Variants in CENPI observed in about 807,000 individuals in gnomAD.
CENPI encodes FSH primary response 1.
In CENPI, 4 loss-of-function variants were observed where a neutral mutation model predicts 60.4. That is an observed-to-expected ratio of 0.07 (90% confidence interval 0.03 to 0.15). The LOEUF (loss-of-function observed/expected upper bound fraction) is 0.15, where lower values mean the gene tolerates loss of function less well. Among genes scored for constraint, CENPI ranks in the 10% least tolerant of loss-of-function variants. CENPI has a pLI of 1.00. For synonymous variants in CENPI, 157 were observed against 189.4 expected (o/e 0.83, Z 1.40); for missense variants, 444 against 534.5 (o/e 0.83, Z 1.67).
At chrX:101,140,644 T>G in intron 15 of CENPI, 22 bp from the exon 16 acceptor site, 2 of 1,072,808 alleles carry the variant, frequency 1.9e-6, no homozygotes, top group Middle Eastern at 2.5e-4. Flanking sequence ...CATGAAATCT[T>G]TTTTCATTTT....
rs756216268 is a variant in CENPI at position 101,101,231 on chromosome X, A to G, written c.161A>G (p.Tyr54Cys). 2 of 1,210,714 alleles carry G rather than the reference A, an allele frequency of 1.7e-6. No individual in the cohort carries two copies. The highest frequency in any genetic ancestry group is 3.0e-5 in the East Asian group (1 of 33,830). ...GGACAAAACAATCCAGTGGGAGATT[A>G]TGAACATGCTGATGATCAAGCTGAA... ...KHGQNNPVGD[Y>C]EHADDQAEED... is the part of the protein sequence containing the mutation. Residue 54 changes from tyrosine (Y) to cysteine (C), a missense_variant, in exon 3 of 22, where the codon TAT becomes TGT. Physicochemically the swap from Tyr to Cys is radical, Grantham distance 194. Transcript: ENST00000682095.
At chrX:101,117,031 T>G (rs2089630551) in intron 6 of CENPI, among the ~76,000 whole-genome samples, 1 of 111,299 alleles carries the variant, frequency 9.0e-6, no homozygotes, top group African/African-American at 3.3e-5. Context: ...TAAATTGGGT[T>G]GTTCATTATC....
At chrX:101,112,371 C>T (rs993301280) in intron 6 of CENPI, among the ~76,000 whole-genome samples, 8 of 111,685 alleles carry the variant, frequency 7.2e-5, no homozygotes, top group African/African-American at 2.0e-4. Flanking sequence ...TGAACAAGTA[C>T]GATGTTCTAA....
intron 20 of CENPI, 77 bp from the exon 21 acceptor site, chrX:101,161,447 TAACC>T (rs2090107435): frequency 1.1e-6 from 1 of 886,110 alleles, no homozygotes; most frequent in Admixed American, 2.5e-5. Context: ...TGATTTGTAC[TAACC>T]AAGTATTTCT....
the CENPI span, among the ~76,000 whole-genome samples, chrX:101,171,796 ATATCT>A: frequency 3.9e-4 from 44 of 111,890 alleles, no homozygotes; most frequent in African/African-American, 1.3e-3. Context: ...TTGGGCAGTG[ATATCT>A]TAGCTATGGC....
At chrX:101,134,016 G>C (rs1670679064) in intron 15 of CENPI, among the ~76,000 whole-genome samples, 1 of 111,820 alleles carries the variant, frequency 8.9e-6, no homozygotes, top group Admixed American at 9.6e-5. Context: ...AGAGCTGTAG[G>C]GGGACTGGCA....
At chrX:101,178,398 C>CTTCTTTTTTT in the CENPI span, among the ~76,000 whole-genome samples, 61 of 39,972 alleles carry the variant, frequency 1.5e-3, no homozygotes, top group Non-Finnish European at 2.3e-3. Flanking sequence ...TTTTCTTCTT[C>CTTCTTTTTTT]TTTTTTTTTT....
Position 101,165,227 on chromosome X carries a change from A to G in CENPI, c.*2260A>G, listed in dbSNP as rs1189306409. Among the ~76,000 whole-genome samples, 1 of 112,009 alleles carries G rather than the reference A, an allele frequency of 8.9e-6. No individual in the cohort carries two copies. ...GAGTGACATAATTTGATTTACCTTT[A>G]TGAAATATGGAGCTACAATGTCAAG... On this transcript the variant is annotated 3_prime_UTR_variant, in exon 22 of 22. Coordinates refer to ENST00000682095, the MANE Select transcript of CENPI (RefSeq NM_001386188.2).
rs777581249 is a variant in CENPI, at chrX:101,110,291, C to T, written c.591+293C>T. ...AATGTTACAGATAAAGTTGATTCCA[C>T]GTTGGAGTCTTGTTTGCTGATCTGG... On this transcript the variant is annotated intron_variant, in intron 6 of 21. Coordinates refer to ENST00000682095, the MANE Select transcript of CENPI (RefSeq NM_001386188.2). 3.0e-4 allele frequency among the ~76,000 whole-genome samples: 34 copies of T among 111,904 alleles called. 2 individuals are homozygous for T. In the South Asian group the frequency reaches 7.0e-3, roughly 23 times the overall value.
intron 7 of CENPI, 104 bp from the exon 8 acceptor site, chrX:101,120,634 T>C (rs979990490): frequency 1.3e-6 from 1 of 790,134 alleles, no homozygotes; most frequent in African/African-American, 2.0e-5. Context: ...TTCCTTGATA[T>C]GTTACAAGAA....
At chrX:101,176,628 T>C in the CENPI span, among the ~76,000 whole-genome samples, 25 of 112,425 alleles carry the variant, frequency 2.2e-4, no homozygotes, top group Admixed American at 1.9e-3. Flanking sequence ...GTTTGTTTGT[T>C]TTATCTTGTT....
intron 15 of CENPI, among the ~76,000 whole-genome samples, chrX:101,139,447 A>G (rs2148218000): frequency 8.9e-6 from 1 of 111,860 alleles, no homozygotes; most frequent in South Asian, 3.7e-4. Flanking sequence ...TGTACCCACA[A>G]AAATTAAAAA....
chrX:101,162,469 A>ATAT lies in CENPI; in HGVS notation c.2137-364_2137-363insTAT, dbSNP rs1204721257. On this transcript the variant is annotated intron_variant, in intron 21 of 21. Coordinates refer to ENST00000682095, the MANE Select transcript of CENPI (RefSeq NM_001386188.2). ...AAACCGTATCTCAAAAAAAAAAAAA[A>ATAT]AAAAATATATATATATATATATAAT... Among the ~76,000 whole-genome samples, 239 of 84,019 alleles carry ATAT rather than the reference A, an allele frequency of 2.8e-3. 4 individuals carry two copies. Among genetic ancestry groups the ATAT allele is most frequent in the Middle Eastern group, 0.013 (2 of 157 alleles). 73.0% of individuals were successfully genotyped at this position (84,019 alleles called of 115,157 possible). A position where few individuals can be genotyped will look rare whatever the true frequency, so the allele number is the denominator to read the frequency against.
Position 101,120,470 on chromosome X carries a change from T to C in CENPI, c.640+20T>C. The C allele has an allele frequency of 1.2e-6, 1 of 834,695 alleles. No individual in the cohort carries two copies. The highest frequency in any genetic ancestry group is 1.8e-6 in the Non-Finnish European group (1 of 559,304). The allele number at this position is 834,695 out of a possible 1,213,427, so 68.8% of individuals were successfully genotyped here. ...AGAATGGTGAGTATTTTCATTACAG[T>C]TGTATTATACTTTGTAGAATTAGCA... is the stretch of plus-strand genomic sequence containing the variant. On this transcript the variant is annotated intron_variant, in intron 7 of 21. Coordinates refer to ENST00000682095, the MANE Select transcript of CENPI (RefSeq NM_001386188.2).
intron 21 of CENPI, 64 bp downstream of exon 21, chrX:101,161,633 T>C (rs139786550): frequency 0.052 from 54,285 of 1,042,371 alleles, 1,202 homozygotes; most frequent in Non-Finnish European, 0.062. Flanking sequence ...CAAGAGAATT[T>C]ATACTTTTCC....
intron 4 of CENPI, among the ~76,000 whole-genome samples, chrX:101,108,322 G>A (rs966134232): frequency 9.2e-6 from 1 of 109,050 alleles, no homozygotes; most frequent in Non-Finnish European, 1.9e-5. Context: ...GCAGTCCTCC[G>A]GCCTCAGCCT....
At chrX:101,159,255 A>C (rs1475477927) in intron 20 of CENPI, among the ~76,000 whole-genome samples, 3 of 108,420 alleles carry the variant, frequency 2.8e-5, no homozygotes, top group African/African-American at 1.0e-4. Flanking sequence ...TCCGCCTCCC[A>C]GGTTCACGCC....
In CENPI at chrX:101,109,468, T is replaced by G; in HGVS notation, c.365-5T>G. On this transcript the variant is annotated splice_polypyrimidine_tract_variant and splice_region_variant and intron_variant, in intron 4 of 21. Transcript: ENST00000682095. ...GTAGTTTAATTTAGCTTGTCTCCTT[T>G]CCAGGAAATGCTGTAAACACACGGA... is the stretch of plus-strand genomic sequence containing the variant. 1 of 1,166,570 alleles carries G rather than the reference T, an allele frequency of 8.6e-7. No individual in the cohort carries two copies. The highest frequency in any genetic ancestry group is 1.2e-6 in the Non-Finnish European group (1 of 856,103).
chrX:101,102,488 T>TACACAC, intron 4 of CENPI, 77 bp downstream of exon 4: 8 of 340,878 alleles, frequency 2.3e-5, no homozygotes, highest in South Asian at 1.2e-4. Flanking sequence ...ATAAATCTTA[T>TACACAC]ATATATATAC....
Sources: allele counts gnomAD v4.1 joint callset (sites outside exome capture counted in the v4.1 genomes callset), GRCh38; gene constraint gnomAD v4.1.1; transcripts MANE v1.5; gene names NCBI Gene and HGNC (gene_info 2026-07-23, HGNC 2026-07-21).